PNPT1: variants seen among roughly 807,000 people sequenced by gnomAD.
PNPT1 encodes polyribonucleotide nucleotidyltransferase 1.
A neutral mutation model predicts 119.5 loss-of-function variants in PNPT1; 53 were observed. That is an observed-to-expected ratio of 0.44 (90% CI 0.36 to 0.56). PNPT1 has a LOEUF of 0.56. Among genes scored for constraint, PNPT1 ranks in the 20% least tolerant of loss-of-function variants. PNPT1 has a pLI of 0.00. For synonymous variants in PNPT1, 357 were observed against 322.1 expected, an observed-to-expected ratio of 1.11 and a Z score of -1.16; for missense variants, 948 against 938.5, an observed-to-expected ratio of 1.01 and a Z score of -0.13.
At chr2:55,662,867 T>C (rs1696620012) in intron 13 of PNPT1, among the ~76,000 whole-genome samples, 1 of 149,054 alleles carries the variant, frequency 6.7e-6, no homozygotes. Context: ...GATGGTGGAT[T>C]AGCAGACAAA....
At position 55,636,239 on chromosome 2, in the gene PNPT1, A is replaced by T; in HGVS notation, c.2350T>A (p.Ter784ArgextTer14). The T allele has an allele frequency of 6.3e-7, 1 of 1,588,182 alleles. No homozygotes were observed. The highest frequency in any genetic ancestry group is 1.1e-5 in the South Asian group (1 of 86,970). ...PISQSSSNSQ* is the reference protein window; with the variant it reads ...PISQSSSNSQR ...AGAATTCTCTTTAAAAAAAAAAATC[A>T]CTGAGAATTAGATGATGACTGTGAA... is the stretch of plus-strand genomic sequence containing the variant. The change falls in exon 28 of 28, where the codon TGA (stop) becomes AGA (arginine). Residue 784 changes from the stop codon to arginine, a stop_lost. Transcript: ENST00000447944.
At chr2:55,684,854 T>TA in intron 4 of PNPT1, 89 bp downstream of exon 4, 1 of 1,352,434 alleles carries the variant, frequency 7.4e-7, no homozygotes, top group East Asian at 2.6e-5. Flanking sequence ...AAGGAAAACT[T>TA]AAGACTTATT....
At chr2:55,669,813 T>G (rs1183119437) in intron 11 of PNPT1, among the ~76,000 whole-genome samples, 1 of 150,146 alleles carries the variant, frequency 6.7e-6, no homozygotes, top group Non-Finnish European at 1.5e-5. Context: ...CAGGCTGGAG[T>G]GCAGTGGCGG....
intron 17 of PNPT1, among the ~76,000 whole-genome samples, chr2:55,655,337 G>A (rs1384736309): frequency 3.9e-5 from 6 of 152,052 alleles, no homozygotes; most frequent in Admixed American, 2.0e-4. Flanking sequence ...GTTTCACCAA[G>A]TTAGACCCTT....
At chr2:55,661,569 G>C (rs893301663) in intron 14 of PNPT1, among the ~76,000 whole-genome samples, 1 of 152,112 alleles carries the variant, frequency 6.6e-6, no homozygotes, top group Non-Finnish European at 1.5e-5. Context: ...TTTCATTAAC[G>C]AGGTTTTTCA....
chr2:55,690,336 C>T (rs1697550544), intron 1 of PNPT1, among the ~76,000 whole-genome samples: 1 of 49,662 alleles, frequency 2.0e-5, no homozygotes, highest in Non-Finnish European at 4.1e-5. Flanking sequence ...AAGTCAGTGA[C>T]CCCTGAAGAT....
At chr2:55,687,764 T>G in intron 1 of PNPT1, 59 bp from the exon 2 acceptor site, 1 of 1,296,976 alleles carries the variant, frequency 7.7e-7, no homozygotes, top group Non-Finnish European at 1.1e-6. Context: ...AATTCCTGCT[T>G]AGTATAAAAT....
At chr2:55,672,107 T>C in intron 9 of PNPT1, 61 bp from the exon 10 acceptor site, 8 of 1,263,084 alleles carry the variant, frequency 6.3e-6, no homozygotes, top group Non-Finnish European at 8.9e-6. Flanking sequence ...GCAGTTTCTA[T>C]TATAAACAAA....
At chr2:55,636,430 C>G in intron 27 of PNPT1, 38 bp from the exon 28 acceptor site, 1 of 1,601,000 alleles carries the variant, frequency 6.2e-7, no homozygotes. Flanking sequence ...AAAGTTACAG[C>G]ACATTGAGTG....
chr2:55,667,455 A>C (rs568198318), intron 12 of PNPT1, among the ~76,000 whole-genome samples: 1 of 152,048 alleles, frequency 6.6e-6, no homozygotes, highest in African/African-American at 2.4e-5. Context: ...TTAGCTGGGC[A>C]TGGTGGTGGG....
Position 55,668,429 on chromosome 2 carries a change from G to A in PNPT1, c.977-471C>T, listed in dbSNP as rs539253189. Among the ~76,000 whole-genome samples, 13 of 152,162 alleles carry A rather than the reference G, an allele frequency of 8.5e-5. 1 individual carries two copies. In the East Asian group the frequency reaches 2.5e-3, roughly 29 times the overall value. On this transcript the variant is annotated intron_variant, in intron 11 of 27. Transcript: ENST00000447944. ...TTTTTTTGTATTTTAGTGGAGACGGGGTTTTACCATGTGGCCCAGGCTGCT... is the reference window on the plus strand; with the variant it reads ...TTTTTTTGTATTTTAGTGGAGACGGAGTTTTACCATGTGGCCCAGGCTGCT...
intron 8 of PNPT1, among the ~76,000 whole-genome samples, chr2:55,678,710 A>AT (rs1697158912): frequency 6.6e-6 from 1 of 152,158 alleles, no homozygotes; most frequent in African/African-American, 2.4e-5. Flanking sequence ...CCACCTCTGA[A>AT]TTTCTTTTAC....
rs557100715 is a variant in PNPT1 at position 55,661,386 on chromosome 2, C to T, written c.1247+570G>A. ...ATTACAGGCCAGGCGTGAGCCACCA[C>T]GCCCGGCCTGCAATAAAGATTCTTA... On this transcript the variant is annotated intron_variant, in intron 14 of 27. Coordinates refer to ENST00000447944, the MANE Select transcript of PNPT1 (RefSeq NM_033109.5). Among the ~76,000 whole-genome samples the T allele has an allele frequency of 4.3e-4, 65 of 152,130 alleles. 1 individual carries two copies. The highest frequency in any genetic ancestry group is 6.8e-3 in the Middle Eastern group (2 of 294).
intron 18 of PNPT1, among the ~76,000 whole-genome samples, chr2:55,650,342 G>A (rs570571109): frequency 6.6e-6 from 1 of 152,212 alleles, no homozygotes; most frequent in Non-Finnish European, 1.5e-5. Flanking sequence ...ACGGGGTTTC[G>A]CTGTGTTGGC....
chr2:55,678,294 C>A (rs1572829046), intron 8 of PNPT1, among the ~76,000 whole-genome samples: 1 of 152,194 alleles, frequency 6.6e-6, no homozygotes. Flanking sequence ...TTCATGGCTT[C>A]CCCATTCTTT....
chr2:55,655,465 T>C (rs1382623130), intron 17 of PNPT1, among the ~76,000 whole-genome samples: 1 of 152,226 alleles, frequency 6.6e-6, no homozygotes, highest in East Asian at 1.9e-4. Flanking sequence ...GATATTCTAA[T>C]AGACTTCCTA....
chr2:55,676,716 G>T (rs1264368886), intron 8 of PNPT1, among the ~76,000 whole-genome samples: 2 of 152,016 alleles, frequency 1.3e-5, no homozygotes, highest in Non-Finnish European at 2.9e-5. Flanking sequence ...ACAAAAATTA[G>T]CCAGGTGTGG....
At chr2:55,654,322 T>C (rs369787733) in intron 18 of PNPT1, among the ~76,000 whole-genome samples, 37 of 152,150 alleles carry the variant, frequency 2.4e-4, no homozygotes, top group African/African-American at 8.4e-4. Flanking sequence ...GACCTGGGGA[T>C]TATAATGAAA....
In PNPT1 at chr2:55,691,848, T is replaced by TTATATATATA. The variant is rs869195974; in HGVS notation, c.161+1805_161+1814dup. On this transcript the variant is annotated intron_variant, in intron 1 of 27. Transcript: ENST00000447944. ...TATATTACTCTTCAATTAAAAATGT[T>TTATATATATA]TATATATATATATATATATATATAT... is the stretch of plus-strand genomic sequence containing the variant. 3.9e-3 allele frequency among the ~76,000 whole-genome samples: 343 copies of TTATATATATA among 86,852 alleles called. 2 individuals are homozygous for TTATATATATA. Among genetic ancestry groups the TTATATATATA allele is most frequent in the Non-Finnish European group, 5.5e-3 (253 of 45,828 alleles). 57.0% of individuals were successfully genotyped at this position (86,852 alleles called of 152,430 possible). A position where few individuals can be genotyped will look rare whatever the true frequency, so the allele number is the denominator to read the frequency against.
Sources: allele counts gnomAD v4.1 joint callset (sites outside exome capture counted in the v4.1 genomes callset), GRCh38; gene constraint gnomAD v4.1.1; transcripts MANE v1.5; gene names NCBI Gene and HGNC (gene_info 2026-07-23, HGNC 2026-07-21).